Variants in FIRRM observed in about 807,000 individuals in gnomAD.
FIRRM encodes FIGNL1-interacting regulator of recombination and mitosis.
chr1:169,832,322 A>C, the FIRRM span: 1 of 760,606 alleles, frequency 1.3e-6, no homozygotes, highest in Non-Finnish European at 2.3e-6. Context: ...TCCCCTAGAA[A>C]GAGCTGCTAT....
chr1:169,823,453 C>A, the FIRRM span: 19 of 1,604,036 alleles, frequency 1.2e-5, no homozygotes, highest in Admixed American at 3.1e-4. Context: ...TTTGCACCAA[C>A]TGTATCTTCA....
At chr1:169,786,418 C>T in the FIRRM span, among the ~76,000 whole-genome samples, 43 of 152,240 alleles carry the variant, frequency 2.8e-4, no homozygotes, top group African/African-American at 1.0e-3. Context: ...ATAGGTCTTC[C>T]TCTGAAGATT....
At chr1:169,812,223 T>TA in the FIRRM span, among the ~76,000 whole-genome samples, 8 of 152,300 alleles carry the variant, frequency 5.3e-5, no homozygotes, top group African/African-American at 1.4e-4. Context: ...AGAGAAAATT[T>TA]AAAGTAAGCA....
chr1:169,801,273 G>A, the FIRRM span, among the ~76,000 whole-genome samples: 40 of 151,528 alleles, frequency 2.6e-4, no homozygotes, highest in African/African-American at 7.0e-4. Flanking sequence ...ATGAAACCTC[G>A]TCTCTACTAA....
At chr1:169,823,529 T>C in the FIRRM span, 1 of 1,030,810 alleles carries the variant, frequency 9.7e-7, no homozygotes, top group African/African-American at 1.6e-5. Flanking sequence ...TGCCATGCAG[T>C]GCTTAAGTAC....
chr1:169,834,471 C>T, the FIRRM span, among the ~76,000 whole-genome samples: 1 of 146,128 alleles, frequency 6.8e-6, no homozygotes, highest in African/African-American at 2.5e-5. Flanking sequence ...TCCTGCTTGG[C>T]TCTTTTTTTT....
the FIRRM span, chr1:169,852,807 T>G: frequency 3.1e-6 from 5 of 1,613,968 alleles, no homozygotes; most frequent in African/African-American, 5.3e-5. Context: ...CAAAAAGAGC[T>G]CGTCAGGAGT....
chr1:169,802,167 T>G, the FIRRM span, among the ~76,000 whole-genome samples: 1 of 152,174 alleles, frequency 6.6e-6, no homozygotes, highest in African/African-American at 2.4e-5. Context: ...TTAGCTTGAA[T>G]TGGGTCAAAA....
the FIRRM span, chr1:169,830,227 TTAAA>T: frequency 1.3e-6 from 2 of 1,533,370 alleles, no homozygotes; most frequent in South Asian, 1.2e-5. Context: ...ACTTTAGTAT[TTAAA>T]TAAATTAATT....
chr1:169,849,987 C>A, the FIRRM span: 9 of 484,606 alleles, frequency 1.9e-5, no homozygotes, highest in East Asian at 3.5e-5. Flanking sequence ...TTTACTCTTA[C>A]TGCATTTGCT....
At chr1:169,838,520 C>T in the FIRRM span, among the ~76,000 whole-genome samples, 7 of 151,934 alleles carry the variant, frequency 4.6e-5, no homozygotes, top group East Asian at 1.9e-4. Flanking sequence ...GATGGAGTCT[C>T]GCTCTGTTGC....
the FIRRM span, among the ~76,000 whole-genome samples, chr1:169,839,739 T>C: frequency 2.6e-5 from 4 of 152,222 alleles, no homozygotes; most frequent in Non-Finnish European, 5.9e-5. Context: ...CAGAAGCTCT[T>C]TAATTAGGTC....
chr1:169,844,528 T>A, the FIRRM span, among the ~76,000 whole-genome samples: 7 of 152,348 alleles, frequency 4.6e-5, no homozygotes, highest in East Asian at 1.3e-3. Context: ...TCACAGTATG[T>A]GGTGGAACAG....
At chr1:169,784,076 A>G in the FIRRM span, 2 of 153,624 alleles carry the variant, frequency 1.3e-5, no homozygotes, top group African/African-American at 4.8e-5. Flanking sequence ...AAGAGCCACC[A>G]TGCCTGGCCA....
the FIRRM span, among the ~76,000 whole-genome samples, chr1:169,842,695 C>G: frequency 6.6e-6 from 1 of 152,188 alleles, no homozygotes. Flanking sequence ...TACTCTCTCA[C>G]GCAGCTTTTT....
the FIRRM span, chr1:169,852,147 A>C: frequency 1.6e-6 from 1 of 632,326 alleles, no homozygotes; most frequent in Non-Finnish European, 2.7e-6. Context: ...AGTATGTTTG[A>C]ATTATTGGTA....
At chr1:169,823,199 G>A in the FIRRM span, among the ~76,000 whole-genome samples, 2 of 150,838 alleles carry the variant, frequency 1.3e-5, no homozygotes, top group African/African-American at 4.9e-5. Context: ...TTCATGAGCC[G>A]AGATCACAAC....
the FIRRM span, chr1:169,792,854 T>C: frequency 6.2e-7 from 1 of 1,614,002 alleles, no homozygotes; most frequent in Non-Finnish European, 8.5e-7. Context: ...AAAAAGTTTT[T>C]CACTACTTAG....
At chr1:169,794,212 T>C in the FIRRM span, among the ~76,000 whole-genome samples, 2 of 152,228 alleles carry the variant, frequency 1.3e-5, no homozygotes, top group African/African-American at 2.4e-5. Context: ...ACTTGCTGTC[T>C]TTCAGCTGTC....
Sources: allele counts gnomAD v4.1 joint callset (sites outside exome capture counted in the v4.1 genomes callset), GRCh38; gene constraint gnomAD v4.1.1; transcripts MANE v1.5; gene names NCBI Gene and HGNC (gene_info 2026-07-23, HGNC 2026-07-21).